MYH7B: variants seen among roughly 807,000 people sequenced by gnomAD.
MYH7B encodes the protein myosin heavy chain 7B.
A neutral mutation model predicts 234.5 loss-of-function variants in MYH7B; 205 were observed. The ratio of observed to expected loss-of-function variants is 0.87; its 90% CI spans 0.78 to 0.98. MYH7B has a LOEUF of 0.98. Ranked by LOEUF, MYH7B falls within the 50% of genes least tolerant of loss-of-function variation. The pLI, the probability that MYH7B is intolerant of heterozygous loss-of-function variation, is 0.00. For synonymous variants in MYH7B, 1,193 were observed against 1,105.0 expected (o/e 1.08, Z -1.58); for missense variants, 2,652 against 2,633.4 (o/e 1.01, Z -0.15).
Position 34,987,903 on chromosome 20 carries a change from G to T in MYH7B, c.1405G>T (p.Glu469Ter), listed in dbSNP as rs202169408. ...CGGGGTTCTGGACATCGCTGGGTTT[G>T]AGATCTTTGAGGTGAGGACAGGCCC... is the stretch of plus-strand genomic sequence containing the variant. The change falls in exon 18 of 45, where the codon GAG (glutamate) becomes TAG (stop). Residue 469 changes from glutamate to a stop codon, truncating the protein, a stop_gained. Coordinates refer to ENST00000262873, the Ensembl canonical transcript of MYH7B. LOFTEE classifies it high-confidence loss of function. 7 of 1,599,812 alleles carry T rather than the reference G, an allele frequency of 4.4e-6. No individual in the cohort carries two copies. Among genetic ancestry groups the T allele is most frequent in the Non-Finnish European group, 5.1e-6 (6 of 1,171,620 alleles).
At chr20:34,979,759 T>C in exon 7 of MYH7B, 1 of 1,614,166 alleles carries the variant, frequency 6.2e-7, no homozygotes. Flanking sequence ...ACGAGGCCTC[T>C]GTGCTGCACA....
At chr20:34,997,219 G>A (rs1434630054) in intron 31 of MYH7B, 32 bp from the exon 32 acceptor site, 1 of 1,554,926 alleles carries the variant, frequency 6.4e-7, no homozygotes, top group East Asian at 2.4e-5. Context: ...GAGGCCCACA[G>A]AGGTGACAGC....
exon 2 of MYH7B, among the ~76,000 whole-genome samples, chr20:34,958,182 C>A (rs1363897551): frequency 6.6e-6 from 1 of 152,108 alleles, no homozygotes; most frequent in Non-Finnish European, 1.5e-5. Flanking sequence ...CCTTAACAGC[C>A]CTTTGGTTGA....
At chr20:34,975,524 T>C in intron 3 of MYH7B, 25 bp downstream of exon 3, 1 of 711,862 alleles carries the variant, frequency 1.4e-6, no homozygotes, top group East Asian at 2.7e-5. Flanking sequence ...CCAGGGTATG[T>C]TTACTTTGAG....
exon 37 of MYH7B, chr20:34,999,603 C>G (rs950806718): frequency 1.5e-5 from 24 of 1,613,038 alleles, no homozygotes; most frequent in Non-Finnish European, 2.0e-5. Flanking sequence ...CCAGGTGAGT[C>G]TCAGTGGGAA....
At chr20:34,979,401 G>A in exon 6 of MYH7B, 1 of 1,613,272 alleles carries the variant, frequency 6.2e-7, no homozygotes, top group East Asian at 2.2e-5. Flanking sequence ...GAAGAAGCGA[G>A]TCTGGGTGCC....
intron 10 of MYH7B, 111 bp downstream of exon 10, chr20:34,982,666 C>G: frequency 1.1e-6 from 1 of 939,860 alleles, no homozygotes; most frequent in Non-Finnish European, 1.5e-6. Flanking sequence ...TCCCCAGAAC[C>G]CTGAGCCCTG....
exon 10 of MYH7B, chr20:34,982,473 C>T (rs758149502): frequency 6.2e-7 from 1 of 1,613,818 alleles, no homozygotes; most frequent in Non-Finnish European, 8.5e-7. Flanking sequence ...GAGTCGGGGG[C>T]CGGTAAGACG....
intron 14 of MYH7B, 131 bp downstream of exon 14, chr20:34,986,329 T>TC: frequency 1.4e-6 from 1 of 700,064 alleles, no homozygotes; most frequent in Non-Finnish European, 2.4e-6. Flanking sequence ...CTCTCTTCCT[T>TC]CTTGGGACTT....
intron 5 of MYH7B, among the ~76,000 whole-genome samples, chr20:34,978,721 G>T (rs937158618): frequency 6.6e-6 from 1 of 152,136 alleles, no homozygotes; most frequent in African/African-American, 2.4e-5. Context: ...TGCTGTTGCC[G>T]TCTTGAAAGT....
intron 8 of MYH7B, 30 bp from the exon 9 acceptor site, chr20:34,981,003 G>T: frequency 3.1e-6 from 5 of 1,614,082 alleles, no homozygotes; most frequent in Non-Finnish European, 4.2e-6. Context: ...CACCTTGGCT[G>T]ACTTCTCTAT....
At chr20:34,979,693 C>T (rs768727043) in exon 7 of MYH7B, 4 of 1,614,176 alleles carry the variant, frequency 2.5e-6, no homozygotes, top group South Asian at 1.1e-5. Context: ...AGCTGCAGCC[C>T]ATGAACCCGC....
At chr20:34,997,028 A>C (rs2082272974) in intron 30 of MYH7B, 55 bp from the exon 31 acceptor site, 1 of 1,503,410 alleles carries the variant, frequency 6.7e-7, no homozygotes, top group African/African-American at 1.6e-5. Context: ...ATGGGGTCCC[A>C]GGCGGGTGGG....
chr20:34,987,712 C>T (rs371886151), intron 17 of MYH7B, 37 bp downstream of exon 17: 78 of 1,612,184 alleles, frequency 4.8e-5, no homozygotes, highest in Non-Finnish European at 6.4e-5. Context: ...GGGGGACAGC[C>T]GGGCAGGGTC....
At chr20:34,999,750 T>TGGGG in intron 37 of MYH7B, 41 bp from the exon 38 acceptor site, 1 of 1,320,432 alleles carries the variant, frequency 7.6e-7, no homozygotes, top group Non-Finnish European at 1.0e-6. Flanking sequence ...CCACTGGCCA[T>TGGGG]CCCCCCCCCC....
intron 2 of MYH7B, among the ~76,000 whole-genome samples, chr20:34,965,247 G>C (rs990403977): frequency 7.2e-5 from 11 of 152,180 alleles, no homozygotes; most frequent in Non-Finnish European, 2.9e-5. Context: ...GCAACTCTGA[G>C]GGTTTGCACA....
At chr20:34,997,806 C>T (rs2082292835) in intron 32 of MYH7B, among the ~76,000 whole-genome samples, 166 bp downstream of exon 32, 1 of 152,160 alleles carries the variant, frequency 6.6e-6, no homozygotes, top group East Asian at 1.9e-4. Flanking sequence ...CAGTCCTGAC[C>T]TTAAGCCGTG....
chr20:34,979,858 C>A, intron 7 of MYH7B, 54 bp downstream of exon 7: 1 of 1,577,192 alleles, frequency 6.3e-7, no homozygotes, highest in Non-Finnish European at 8.6e-7. Flanking sequence ...TGGGGCGGGG[C>A]TAGAGATGAG....
At chr20:34,960,396 C>T (rs1386248076) in intron 2 of MYH7B, among the ~76,000 whole-genome samples, 2 of 152,100 alleles carry the variant, frequency 1.3e-5, no homozygotes, top group South Asian at 2.1e-4. Flanking sequence ...CCACCACGCC[C>T]GCCTAATTTT....
Sources: allele counts gnomAD v4.1 joint callset (sites outside exome capture counted in the v4.1 genomes callset), GRCh38; gene constraint gnomAD v4.1.1; transcripts MANE v1.5; gene names NCBI Gene and HGNC (gene_info 2026-07-23, HGNC 2026-07-21).